FOXN3: variants seen among roughly 807,000 people sequenced by gnomAD.
The protein encoded by FOXN3 is forkhead box protein N3.
In FOXN3, 7 loss-of-function variants were observed where a neutral mutation model predicts 38.4. The ratio of observed to expected loss-of-function variants is 0.18; its 90% CI spans 0.10 to 0.34. The LOEUF (loss-of-function observed/expected upper bound fraction) is 0.34. FOXN3 is among the 10% of genes least tolerant of loss of function. The pLI, the probability that FOXN3 is intolerant of heterozygous loss-of-function variation, is 1.00. For synonymous variants in FOXN3, 230 were observed against 242.2 expected, an observed-to-expected ratio of 0.95 and a Z score of 0.47; for missense variants, 456 against 613.4, an observed-to-expected ratio of 0.74 and a Z score of 2.71.
At chr14:89,447,458 CAA>C (rs1468487307) in intron 1 of FOXN3, among the ~76,000 whole-genome samples, 1 of 152,066 alleles carries the variant, frequency 6.6e-6, no homozygotes, top group African/African-American at 2.4e-5. Context: ...GGGCTAGACT[CAA>C]AGTTCACTCT....
chr14:89,274,937 C>A (rs1432647901), intron 4 of FOXN3, among the ~76,000 whole-genome samples: 1 of 152,196 alleles, frequency 6.6e-6, no homozygotes, highest in Non-Finnish European at 1.5e-5. Flanking sequence ...GCAAGGAAAC[C>A]ACATTCGGAG....
intron 2 of FOXN3, among the ~76,000 whole-genome samples, chr14:89,410,226 G>A (rs762240328): frequency 1.3e-5 from 2 of 152,042 alleles, no homozygotes; most frequent in Non-Finnish European, 2.9e-5. Context: ...CAAAGACAAG[G>A]AGAATATTCT....
intron 3 of FOXN3, chr14:89,291,647 C>T: frequency 2.1e-6 from 1 of 471,450 alleles, no homozygotes; most frequent in Non-Finnish European, 4.2e-6. Context: ...CTGTGGCCGG[C>T]CACTCATGCT....
chr14:89,352,094 G>A (rs1427726959), intron 2 of FOXN3, among the ~76,000 whole-genome samples: 1 of 152,186 alleles, frequency 6.6e-6, no homozygotes, highest in Non-Finnish European at 1.5e-5. Context: ...ACAGCCAGGG[G>A]CTGGAACCTC....
At chr14:89,239,466 T>C (rs947881331) in intron 4 of FOXN3, among the ~76,000 whole-genome samples, 2 of 152,158 alleles carry the variant, frequency 1.3e-5, no homozygotes, top group Admixed American at 6.5e-5. Flanking sequence ...GGAAACTGCA[T>C]GGGATTTATG....
At chr14:89,526,397 A>G (rs1027877122) in intron 1 of FOXN3, among the ~76,000 whole-genome samples, 1 of 152,188 alleles carries the variant, frequency 6.6e-6, no homozygotes, top group Non-Finnish European at 1.5e-5. Flanking sequence ...TAGAACTAGT[A>G]AGTGAGTTCA....
chr14:89,555,659 T>C (rs1895101296), intron 1 of FOXN3, among the ~76,000 whole-genome samples: 1 of 152,236 alleles, frequency 6.6e-6, no homozygotes, highest in Admixed American at 6.5e-5. Flanking sequence ...TCTAGTTTTC[T>C]AAGCCCATTC....
chr14:89,213,189 T>C (rs962601712), intron 4 of FOXN3, among the ~76,000 whole-genome samples: 1 of 152,172 alleles, frequency 6.6e-6, no homozygotes, highest in Admixed American at 6.5e-5. Context: ...CCATACAGCA[T>C]TGCCTGGAGA....
At chr14:89,198,171 C>T (rs542500422) in intron 4 of FOXN3, among the ~76,000 whole-genome samples, 4 of 152,154 alleles carry the variant, frequency 2.6e-5, no homozygotes, top group African/African-American at 4.8e-5. Context: ...ATGATGGCCG[C>T]GTCTGTACTG....
intron 4 of FOXN3, among the ~76,000 whole-genome samples, chr14:89,192,337 G>A (rs1286986962): frequency 6.9e-6 from 1 of 144,872 alleles, no homozygotes; most frequent in Non-Finnish European, 1.5e-5. Context: ...AAAATATATA[G>A]TTATATGTAA....
intron 4 of FOXN3, among the ~76,000 whole-genome samples, chr14:89,275,627 A>G (rs994459332): frequency 6.6e-6 from 1 of 152,202 alleles, no homozygotes; most frequent in African/African-American, 2.4e-5. Context: ...TTTCAGCAGT[A>G]AAAGTTCGTA....
chr14:89,326,844 A>C (rs572616496), intron 3 of FOXN3, among the ~76,000 whole-genome samples: 11 of 152,334 alleles, frequency 7.2e-5, no homozygotes, highest in African/African-American at 2.6e-4. Flanking sequence ...AGTAGGAAGA[A>C]TAGAGAACCA....
intron 4 of FOXN3, among the ~76,000 whole-genome samples, chr14:89,196,174 C>T (rs1381625038): frequency 2.6e-5 from 4 of 152,146 alleles, no homozygotes. Context: ...TTTTCAAATC[C>T]TCTTCTTTTG....
At chr14:89,334,591 G>A (rs1008210656) in intron 3 of FOXN3, among the ~76,000 whole-genome samples, 2 of 105,382 alleles carry the variant, frequency 1.9e-5, no homozygotes, top group Non-Finnish European at 2.3e-5. Flanking sequence ...GCCTGGGTGA[G>A]AGAACAAGAC....
At chr14:89,313,602 T>C (rs942736069) in intron 3 of FOXN3, among the ~76,000 whole-genome samples, 13 of 124,018 alleles carry the variant, frequency 1.0e-4, no homozygotes, top group Non-Finnish European at 1.7e-4. Context: ...CCATGTATAC[T>C]ACTGTATGAC....
intron 1 of FOXN3, among the ~76,000 whole-genome samples, chr14:89,582,925 T>C (rs1895774034): frequency 6.6e-6 from 1 of 152,232 alleles, no homozygotes; most frequent in South Asian, 2.1e-4. Context: ...TATTTTGAGA[T>C]TCTTCCATAA....
intron 1 of FOXN3, among the ~76,000 whole-genome samples, chr14:89,550,169 C>A (rs1262420045): frequency 2.6e-5 from 4 of 152,174 alleles, no homozygotes; most frequent in Non-Finnish European, 5.9e-5. Flanking sequence ...TGCTATGAGA[C>A]ACAAAGGAAG....
chr14:89,462,985 T>C (rs1892879620), intron 1 of FOXN3, among the ~76,000 whole-genome samples: 1 of 149,730 alleles, frequency 6.7e-6, no homozygotes, highest in Admixed American at 6.7e-5. Context: ...CACCCAGCCC[T>C]CTCTTCCTCT....
chr14:89,485,482 C>T (rs1462961100), intron 1 of FOXN3, among the ~76,000 whole-genome samples: 1 of 152,190 alleles, frequency 6.6e-6, no homozygotes, highest in Non-Finnish European at 1.5e-5. Context: ...CATCCCAGGG[C>T]CCTGACAAGC....
Sources: gnomAD v4.1 joint callset for allele counts (sites outside exome capture counted in the v4.1 genomes callset) on GRCh38, gnomAD v4.1.1 for gene constraint, MANE v1.5 for transcripts, NCBI Gene and HGNC (gene_info 2026-07-23, HGNC 2026-07-21) for gene names.